The following EYS variants were observed in gnomAD, a reference collection of about 807,000 sequenced individuals.
The protein encoded by EYS is protein eyes shut homolog.
EYS carries 250 observed loss-of-function variants against 282.1 expected under a neutral mutation model. The observed-to-expected ratio is 0.89, with a 90% CI of 0.80 to 0.98. The LOEUF (loss-of-function observed/expected upper bound fraction) is 0.98, where lower values mean the gene tolerates loss of function less well. EYS is among the 50% of genes least tolerant of loss of function. The pLI, the probability that EYS is intolerant of heterozygous loss-of-function variation, is 0.00. For missense variants in EYS, 4,016 were observed against 3,709.0 expected (o/e 1.08, Z -2.15); for synonymous variants, 1,355 against 1,282.9 (o/e 1.06, Z -1.20).
At chr6:64,467,134 T>G (rs1775944526) in intron 26 of EYS, among the ~76,000 whole-genome samples, 1 of 152,206 alleles carries the variant, frequency 6.6e-6, no homozygotes, top group African/African-American at 2.4e-5. Context: ...TGCAAACTTC[T>G]AATAACATGG....
intron 31 of EYS, among the ~76,000 whole-genome samples, chr6:64,181,363 G>A (rs912205850): frequency 1.3e-5 from 2 of 152,000 alleles, no homozygotes; most frequent in Admixed American, 6.6e-5. Flanking sequence ...AATAAAAGCA[G>A]ATTATATGCT....
At chr6:64,783,662 A>C (rs1383685179) in intron 22 of EYS, among the ~76,000 whole-genome samples, 1 of 152,156 alleles carries the variant, frequency 6.6e-6, no homozygotes, top group African/African-American at 2.4e-5. Context: ...CAATGGCTAT[A>C]CCATTTAAAA....
rs183194866 is a variant in EYS at position 65,219,449 on chromosome 6, T to C, written c.2023+76414A>G. The stretch of plus-strand genomic sequence containing the variant: ...AAGTCTGCTTGTAAAGATGCTGGAG[T>C]ATTAGCAGCTGAAAAGAAAAGATAA... On this transcript the variant is annotated intron_variant, in intron 12 of 42. Transcript: ENST00000503581. 1.3e-3 allele frequency among the ~76,000 whole-genome samples: 200 copies of C among 152,162 alleles called. 1 individual carries two copies. Among genetic ancestry groups the C allele is most frequent in the African/African-American group, 4.5e-3 (188 of 41,522 alleles).
chr6:64,944,935 T>C (rs941117696), intron 15 of EYS, among the ~76,000 whole-genome samples: 2 of 152,014 alleles, frequency 1.3e-5, no homozygotes, highest in African/African-American at 4.8e-5. Flanking sequence ...AACTTAATTA[T>C]GACATAGATT....
At chr6:64,662,692 G>T (rs763141317) in intron 22 of EYS, among the ~76,000 whole-genome samples, 8 of 152,010 alleles carry the variant, frequency 5.3e-5, no homozygotes, top group Non-Finnish European at 1.2e-4. Context: ...TTTTTGTTTA[G>T]ACTATGTTTT....
chr6:64,436,330 C>T (rs1774746384), intron 27 of EYS, 65 bp from the exon 28 acceptor site: 1 of 789,068 alleles, frequency 1.3e-6, no homozygotes, highest in South Asian at 1.7e-5. Context: ...CATATATTTG[C>T]ACTGGACTTT....
At chr6:65,152,174 G>T (rs868657742) in intron 12 of EYS, among the ~76,000 whole-genome samples, 3 of 151,930 alleles carry the variant, frequency 2.0e-5, no homozygotes, top group Non-Finnish European at 4.4e-5. Flanking sequence ...CTAGGACAAA[G>T]AAAATGATTG....
At chr6:64,903,589 A>G (rs1207723141) in intron 16 of EYS, among the ~76,000 whole-genome samples, 1 of 152,022 alleles carries the variant, frequency 6.6e-6, no homozygotes, top group Non-Finnish European at 1.5e-5. Flanking sequence ...GTTTCAAATC[A>G]CTTGTAATGT....
Position 65,569,745 on chromosome 6 carries a change from A to G in EYS, c.-333+70033T>C, listed in dbSNP as rs376469132. The stretch of plus-strand genomic sequence containing the variant: ...TTGATTCCCTCTGATTTTATCTCCA[A>G]CCCGACCAATCAGCAATGCTCACTC... On this transcript the variant is annotated intron_variant, in intron 2 of 42. Coordinates refer to ENST00000503581, the MANE Select transcript of EYS (RefSeq NM_001142800.2). Among the ~76,000 whole-genome samples, 12 of 152,010 alleles carry G rather than the reference A, an allele frequency of 7.9e-5. No homozygotes were observed. The East Asian group carries it at 1.9e-3, about 25-fold the overall frequency.
At chr6:65,435,672 A>G (rs1431265664) in intron 5 of EYS, among the ~76,000 whole-genome samples, 1 of 152,168 alleles carries the variant, frequency 6.6e-6, no homozygotes. Flanking sequence ...TTTCACACTT[A>G]CTAAGGACTG....
chr6:64,108,374 G>A (rs576972199), intron 31 of EYS, among the ~76,000 whole-genome samples: 7 of 152,096 alleles, frequency 4.6e-5, no homozygotes, highest in Admixed American at 4.6e-4. Flanking sequence ...TGTTTGCCTT[G>A]TGACATTACT....
At chr6:64,994,321 C>A (rs556214299) in intron 14 of EYS, among the ~76,000 whole-genome samples, 6 of 152,138 alleles carry the variant, frequency 3.9e-5, no homozygotes, top group Admixed American at 2.6e-4. Context: ...TTCTTATTTT[C>A]TGCTTTTCAT....
At chr6:65,112,313 A>G (rs1775236182) in intron 12 of EYS, among the ~76,000 whole-genome samples, 1 of 152,186 alleles carries the variant, frequency 6.6e-6, no homozygotes, top group Non-Finnish European at 1.5e-5. Flanking sequence ...GATTTGCTGT[A>G]TATATGACCT....
At chr6:63,768,465 A>T (rs1272053780) in intron 40 of EYS, among the ~76,000 whole-genome samples, 1 of 152,134 alleles carries the variant, frequency 6.6e-6, no homozygotes, top group Non-Finnish European at 1.5e-5. Context: ...ATCAACAAAT[A>T]GATTAAGTAA....
At chr6:64,529,998 A>G (rs1321119814) in intron 26 of EYS, among the ~76,000 whole-genome samples, 2 of 152,094 alleles carry the variant, frequency 1.3e-5, no homozygotes, top group Admixed American at 6.5e-5. Context: ...TATTTCTCCT[A>G]TTGATGAGGA....
intron 14 of EYS, among the ~76,000 whole-genome samples, chr6:64,993,747 GA>G (rs986534132): frequency 9.7e-5 from 14 of 143,998 alleles, no homozygotes; most frequent in South Asian, 2.2e-4. Flanking sequence ...CCAAAATAAT[GA>G]AAAAAAAATT....
At chr6:64,433,362 C>T (rs796067917) in intron 28 of EYS, among the ~76,000 whole-genome samples, 14 of 152,100 alleles carry the variant, frequency 9.2e-5, no homozygotes, top group African/African-American at 3.4e-4. Context: ...TTAGCTGCAA[C>T]ATTCATGAAT....
At chr6:65,219,295 G>A (rs554595192) in intron 12 of EYS, among the ~76,000 whole-genome samples, 16 of 152,204 alleles carry the variant, frequency 1.1e-4, no homozygotes, top group Admixed American at 7.9e-4. Context: ...TAAAACAATG[G>A]TTCCAAATAA....
intron 1 of EYS, among the ~76,000 whole-genome samples, chr6:65,705,097 G>A (rs1226103746): frequency 2.0e-5 from 3 of 152,068 alleles, no homozygotes; most frequent in Admixed American, 2.0e-4. Flanking sequence ...AAACTTGTAT[G>A]ATTAGACCAC....
Sources: gnomAD v4.1 joint callset for allele counts (sites outside exome capture counted in the v4.1 genomes callset) on GRCh38, gnomAD v4.1.1 for gene constraint, MANE v1.5 for transcripts, NCBI Gene and HGNC (gene_info 2026-07-23, HGNC 2026-07-21) for gene names.